The following OPHN1 variants were observed in gnomAD, a reference collection of about 807,000 sequenced individuals.
The protein encoded by OPHN1 is oligophrenin 1, also known as oligophrenin-1.
In OPHN1, 11 loss-of-function variants were observed where a neutral mutation model predicts 60.7. That is an observed-to-expected ratio of 0.18 (90% CI 0.11 to 0.30). The LOEUF (loss-of-function observed/expected upper bound fraction) is 0.30, where lower values mean the gene tolerates loss of function less well. Among genes scored for constraint, OPHN1 ranks in the 10% least tolerant of loss-of-function variants. OPHN1 has a pLI of 1.00. For missense variants in OPHN1, 449 were observed against 611.0 expected, an observed-to-expected ratio of 0.73 and a Z score of 2.80; for synonymous variants, 226 against 222.6, an observed-to-expected ratio of 1.02 and a Z score of -0.14.
intron 15 of OPHN1, among the ~76,000 whole-genome samples, chrX:68,122,454 C>G (rs748035889): frequency 7.2e-5 from 8 of 111,588 alleles, no homozygotes; most frequent in South Asian, 3.8e-4. Flanking sequence ...CATTCACAAG[C>G]ATCAGGACCA....
intron 15 of OPHN1, among the ~76,000 whole-genome samples, chrX:68,181,994 C>T (rs1473262855): frequency 9.0e-6 from 1 of 111,325 alleles, no homozygotes; most frequent in Non-Finnish European, 1.9e-5. Flanking sequence ...GCAAGTATTT[C>T]ATCTCTGCAG....
chrX:68,278,147 C>T (rs1410262027), intron 4 of OPHN1, among the ~76,000 whole-genome samples: 1 of 112,512 alleles, frequency 8.9e-6, no homozygotes, highest in African/African-American at 3.2e-5. Context: ...CAGTCTCCTA[C>T]AGCACAAACA....
At chrX:68,230,568 G>A (rs1486360352) in intron 6 of OPHN1, among the ~76,000 whole-genome samples, 1 of 110,093 alleles carries the variant, frequency 9.1e-6, no homozygotes, top group Non-Finnish European at 1.9e-5. Flanking sequence ...CATACACCAT[G>A]GAATACTATG....
At chrX:68,152,778 A>G (rs1358974676) in intron 15 of OPHN1, among the ~76,000 whole-genome samples, 2 of 110,765 alleles carry the variant, frequency 1.8e-5, no homozygotes. Flanking sequence ...TAATATCTCC[A>G]TCCACTTCTA....
chrX:68,388,286 CCT>C (rs1333863263), intron 2 of OPHN1, among the ~76,000 whole-genome samples: 1 of 105,548 alleles, frequency 9.5e-6, no homozygotes, highest in Non-Finnish European at 1.9e-5. Context: ...ATGGTGAAAC[CCT>C]GTCTCTACTC....
At chrX:68,406,772 G>C (rs2078745624) in intron 2 of OPHN1, among the ~76,000 whole-genome samples, 1 of 112,619 alleles carries the variant, frequency 8.9e-6, no homozygotes, top group South Asian at 3.6e-4. Context: ...TAAATAATCA[G>C]AGACAGAATA....
intron 2 of OPHN1, among the ~76,000 whole-genome samples, chrX:68,406,612 C>CA (rs1234267030): frequency 1.3e-4 from 14 of 105,610 alleles, no homozygotes; most frequent in Middle Eastern, 9.9e-3. Flanking sequence ...ACTCCATCTC[C>CA]AAAAAAAAAA....
rs2077106005 is a variant in OPHN1, at chrX:68,111,959, T to G, written c.1421A>C (p.Lys474Thr). Residue 474 changes from lysine (K) to threonine (T), a missense_variant and splice_region_variant, in exon 18 of 25, where the codon AAG becomes ACG. Physicochemically the swap from Lys to Thr is moderately conservative, Grantham distance 78. This residue lies in a region of OPHN1 where 166 missense variants were observed against 278.4 expected (regional missense o/e 0.60). Transcript: ENST00000355520. The stretch of plus-strand genomic sequence containing the variant: ...TAGGCGGTAATCCAGGTTGTCAGAC[T>G]CTGGGATAGAACAGTAAGAGATAAA... ...RLHKELVSAA[K>T]SDNLDYRLGA... 8.6e-7 allele frequency: 1 copy of G among 1,165,777 alleles called. No individual in the cohort carries two copies. The highest frequency in any genetic ancestry group is 2.2e-5 in the Admixed American group (1 of 45,364).
intron 21 of OPHN1, among the ~76,000 whole-genome samples, chrX:68,061,497 A>T (rs2076892781): frequency 8.9e-6 from 1 of 111,805 alleles, no homozygotes; most frequent in Non-Finnish European, 1.9e-5. Context: ...TAGGAAGGTC[A>T]CGACATGACT....
chrX:68,269,645 A>C (rs1785273625), intron 5 of OPHN1, among the ~76,000 whole-genome samples: 1 of 111,557 alleles, frequency 9.0e-6, no homozygotes, highest in Non-Finnish European at 1.9e-5. Context: ...CTAGAAGAAA[A>C]CTCAGGCAAT....
In OPHN1 at chrX:68,069,116, T is replaced by C. The variant is rs1164257615; in HGVS notation, c.1834+4036A>G. ...AAATGTCTAGACTGGGTAACCTCAT[T>C]GGAGATCTTCTGTCCCAAAGCCCTC... is the stretch of plus-strand genomic sequence containing the variant. On this transcript the variant is annotated intron_variant, in intron 20 of 24. Coordinates refer to ENST00000355520, the MANE Select transcript of OPHN1 (RefSeq NM_002547.3). Among the ~76,000 whole-genome samples the C allele has an allele frequency of 2.7e-5, 3 of 111,905 alleles. No individual in the cohort carries two copies. The East Asian group carries it at 8.4e-4, about 31-fold the overall frequency.
At chrX:68,314,684 C>CA (rs201692633) in intron 2 of OPHN1, among the ~76,000 whole-genome samples, 12,748 of 108,048 alleles carry the variant, frequency 0.12, 656 homozygotes, top group South Asian at 0.21. Context: ...AAAAACACTA[C>CA]AAAAAAAAAC....
chrX:68,050,671 T>G (rs765908722), intron 23 of OPHN1, among the ~76,000 whole-genome samples: 1 of 112,404 alleles, frequency 8.9e-6, no homozygotes, highest in Non-Finnish European at 1.9e-5. Context: ...TGTCTAGTTC[T>G]ATTCTTTTTT....
chrX:68,227,071 G>T (rs2077698025), intron 6 of OPHN1, among the ~76,000 whole-genome samples: 1 of 110,895 alleles, frequency 9.0e-6, no homozygotes, highest in Non-Finnish European at 1.9e-5. Context: ...GATCTACCAA[G>T]CAAATGGAAA....
chrX:68,153,951 G>A (rs760786579), intron 15 of OPHN1, among the ~76,000 whole-genome samples: 1 of 111,606 alleles, frequency 9.0e-6, no homozygotes, highest in Non-Finnish European at 1.9e-5. Context: ...ATGTATACAG[G>A]TTATAGATCT....
At chrX:68,218,318 G>A (rs1479722605) in intron 6 of OPHN1, among the ~76,000 whole-genome samples, 1 of 106,998 alleles carries the variant, frequency 9.3e-6, no homozygotes, top group Non-Finnish European at 1.9e-5. Flanking sequence ...GTACCTGAAA[G>A]GGATGGGGAG....
chrX:68,244,541 C>T (rs2077796411), intron 5 of OPHN1, among the ~76,000 whole-genome samples: 1 of 111,805 alleles, frequency 8.9e-6, no homozygotes, highest in Non-Finnish European at 1.9e-5. Context: ...TTTAGTGAAT[C>T]AGTGAATGAA....
intron 15 of OPHN1, among the ~76,000 whole-genome samples, chrX:68,158,785 G>C (rs187924901): frequency 6.1e-4 from 68 of 111,848 alleles, no homozygotes; most frequent in African/African-American, 2.1e-3. Context: ...CTCAGCTCTA[G>C]GTTACAAAAG....
At chrX:68,188,883 CTCTATTA>C (rs770058921) in intron 15 of OPHN1, among the ~76,000 whole-genome samples, 2 of 112,392 alleles carry the variant, frequency 1.8e-5, no homozygotes, top group South Asian at 7.3e-4. Context: ...CATATTCCTA[CTCTATTA>C]TCTGTCTATA....
Sources: gnomAD v4.1 joint callset for allele counts (sites outside exome capture counted in the v4.1 genomes callset) on GRCh38, gnomAD v4.1.1 for gene constraint, gnomAD v4.1.1 regional missense constraint, MANE v1.5 for transcripts, NCBI Gene and HGNC (gene_info 2026-07-23, HGNC 2026-07-21) for gene names.